BNIP5: variants seen among roughly 807,000 people sequenced by gnomAD.
BNIP5 encodes protein BNIP5.
Under a neutral mutation model 67.3 loss-of-function variants are expected in BNIP5, and 61 were observed. The ratio of observed to expected loss-of-function variants is 0.91; its 90% CI spans 0.74 to 1.12. The LOEUF is 1.12. Ranked by LOEUF, BNIP5 falls within the 50% of genes most tolerant of loss-of-function variation. The pLI is 0.00. For synonymous variants in BNIP5, 317 were observed against 319.0 expected (o/e 0.99, Z 0.07); for missense variants, 826 against 816.3 (o/e 1.01, Z -0.14).
intron 2 of BNIP5, 89 bp downstream of exon 2, chr6:36,329,992 C>A (rs939168355): frequency 7.0e-7 from 1 of 1,432,846 alleles, no homozygotes; most frequent in Non-Finnish European, 9.3e-7. Flanking sequence ...ACAGCTCCCC[C>A]GACTATCCCT....
intron 1 of BNIP5, among the ~76,000 whole-genome samples, chr6:36,334,798 TC>T (rs1269665043): frequency 6.6e-6 from 1 of 152,180 alleles, no homozygotes; most frequent in Non-Finnish European, 1.5e-5. Flanking sequence ...AGCAAGACTT[TC>T]CTTTCCTTTC....
chr6:36,325,297 C>T lies in BNIP5; in HGVS notation c.1154G>A (p.Arg385Lys). ...GGAGTACTGACTGTATTCCGAGGCT[C>T]TGTCCAGCGGAAGCTCCTCTCCAGG... is the stretch of plus-strand genomic sequence containing the variant. ...QEPGEELPLD[R>K]ASEYKEFIQK... Residue 385 changes from arginine (R) to lysine (K), a missense_variant, in exon 6 of 12, where the codon AGA becomes AAA. Coordinates refer to ENST00000437635, the MANE Select transcript of BNIP5 (RefSeq NM_001010903.5). The T allele has an allele frequency of 1.9e-6, 3 of 1,614,188 alleles. No individual in the cohort carries two copies. The highest frequency in any genetic ancestry group is 1.7e-4 in the Middle Eastern group (1 of 6,030).
chr6:36,330,177 C>T lies in BNIP5; in HGVS notation c.514G>A (p.Ala172Thr). The T allele has an allele frequency of 6.2e-7, 1 of 1,614,062 alleles. No homozygotes were observed. Among genetic ancestry groups the T allele is most frequent in the Non-Finnish European group, 8.5e-7 (1 of 1,180,030 alleles). ...KKHAAEVTKA[A>T]QDQEARGREE... is the part of the protein sequence containing the mutation. Reference sequence around the variant, plus strand: ...CGGCCTCTGGCCTCCTGGTCTTGAGCTGCCTTAGTCACCTCGGCCGCGTGT... The same window carrying T: ...CGGCCTCTGGCCTCCTGGTCTTGAGTTGCCTTAGTCACCTCGGCCGCGTGT... The change falls in exon 2 of 12, where the codon GCT becomes ACT. Residue 172 changes from alanine (A) to threonine (T), a missense_variant. Physicochemically the swap from Ala to Thr is moderately conservative, Grantham distance 58 (BLOSUM62 0). Coordinates refer to ENST00000437635, the MANE Select transcript of BNIP5 (RefSeq NM_001010903.5).
Position 36,317,098 on chromosome 6 carries a change from A to G in BNIP5, c.*258T>C. The G allele has an allele frequency of 3.5e-6, 2 of 573,436 alleles. No individual in the cohort carries two copies. The highest frequency in any genetic ancestry group is 6.2e-6 in the Non-Finnish European group (2 of 324,316). 35.5% of individuals were successfully genotyped at this position (573,436 alleles called of 1,614,324 possible). ...CATGCAGCAAGTCTGGGGTAGGTTC[A>G]GCAGGTAGAGCCCCAGTCTTCCTCA... On this transcript the variant is annotated 3_prime_UTR_variant, in exon 12 of 12. Coordinates refer to ENST00000437635, the MANE Select transcript of BNIP5 (RefSeq NM_001010903.5).
At chr6:36,325,500 G>T in intron 5 of BNIP5, 86 bp from the exon 6 acceptor site, 1 of 1,481,014 alleles carries the variant, frequency 6.8e-7, no homozygotes, top group South Asian at 1.3e-5. Context: ...CTAAAAGTGG[G>T]CTCCGTGGCT....
intron 1 of BNIP5, among the ~76,000 whole-genome samples, chr6:36,336,293 A>G (rs1772015838): frequency 1.3e-5 from 2 of 152,206 alleles, no homozygotes; most frequent in African/African-American, 4.8e-5. Context: ...ACCTTCACAT[A>G]AAGTCTATAA....
chr6:36,326,325 G>A (rs149554599), intron 5 of BNIP5, among the ~76,000 whole-genome samples, 185 bp downstream of exon 5: 2 of 152,352 alleles, frequency 1.3e-5, no homozygotes, highest in East Asian at 3.9e-4. Flanking sequence ...GAGGTGTTGT[G>A]TGTGGAGGTG....
chr6:36,318,467 G>C (rs2127361599), intron 11 of BNIP5, among the ~76,000 whole-genome samples: 1 of 152,084 alleles, frequency 6.6e-6, no homozygotes, highest in East Asian at 1.9e-4. Context: ...CAGCACTTTG[G>C]GAGGCCAAGG....
In BNIP5 at chr6:36,317,207, G is replaced by C. The variant is rs759744262; in HGVS notation, c.*149C>G. 1.5e-5 allele frequency: 11 copies of C among 737,366 alleles called. No individual in the cohort carries two copies. Among genetic ancestry groups the C allele is most frequent in the Non-Finnish European group, 2.7e-5 (11 of 403,158 alleles). 45.7% of individuals were successfully genotyped at this position (737,366 alleles called of 1,614,324 possible). Reference sequence around the variant, plus strand: ...ATGCTCTGTGCTTCTCAGATACTAGGGTATGGACACAGAATGATTGTCTGC... The same window carrying C: ...ATGCTCTGTGCTTCTCAGATACTAGCGTATGGACACAGAATGATTGTCTGC... On this transcript the variant is annotated 3_prime_UTR_variant, in exon 12 of 12. Transcript: ENST00000437635.
Position 36,323,343 on chromosome 6 carries a change from A to T in BNIP5, c.1421T>A (p.Phe474Tyr). 1.9e-6 allele frequency: 3 copies of T among 1,614,244 alleles called. No individual in the cohort carries two copies. Among genetic ancestry groups the T allele is most frequent in the Non-Finnish European group, 2.5e-6 (3 of 1,180,044 alleles). ...ATGGCCACCAACACACAGGGGCAGA[A>T]AGCTGGGCCTCTTGGGTCGTCGGGC... Reference protein sequence around the residue: ...PEARRPKRPSFLPLCVGGHRP... With the variant: ...PEARRPKRPSYLPLCVGGHRP... Residue 474 changes from phenylalanine (F) to tyrosine (Y), a missense_variant, in exon 8 of 12, where the codon TTT (phenylalanine) becomes TAT (tyrosine). By Grantham distance (22) the Phe-to-Tyr change is conservative. Transcript: ENST00000437635.
intron 6 of BNIP5, 135 bp downstream of exon 6, chr6:36,325,148 C>T (rs1022212794): frequency 8.3e-6 from 8 of 965,680 alleles, no homozygotes; most frequent in African/African-American, 1.6e-5. Context: ...CCCAAGCTGC[C>T]TCCCCAGCCT....
At chr6:36,324,598 TA>T (rs2127365917) in intron 6 of BNIP5, among the ~76,000 whole-genome samples, 1 of 12,026 alleles carries the variant, frequency 8.3e-5, no homozygotes, top group South Asian at 2.9e-3. Flanking sequence ...TATATATATA[TA>T]TATATATATA....
intron 2 of BNIP5, among the ~76,000 whole-genome samples, chr6:36,329,829 A>AAG (rs140553637): frequency 6.6e-6 from 1 of 151,018 alleles, no homozygotes; most frequent in Non-Finnish European, 1.5e-5. Context: ...GAAAGAAAGG[A>AAG]AGAGAGAGAG....
chr6:36,322,465 G>A (rs1007397147), intron 8 of BNIP5, 23 bp from the exon 9 acceptor site: 2 of 1,607,348 alleles, frequency 1.2e-6, no homozygotes, highest in Admixed American at 1.7e-5. Flanking sequence ...AAGAGTTGTT[G>A]AGTGTTTTGC....
At chr6:36,323,978 C>A in intron 7 of BNIP5, 151 bp downstream of exon 7, 2 of 644,632 alleles carry the variant, frequency 3.1e-6, no homozygotes, top group Non-Finnish European at 5.4e-6. Context: ...TTAGCCTGGG[C>A]GACAGAGCAA....
chr6:36,323,673 T>C, intron 7 of BNIP5, 140 bp from the exon 8 acceptor site: 1 of 974,266 alleles, frequency 1.0e-6, no homozygotes, highest in Non-Finnish European at 1.5e-6. Context: ...GGGAAATATG[T>C]GTGGTCTGGA....
At chr6:36,331,624 C>T (rs1214706029) in intron 1 of BNIP5, among the ~76,000 whole-genome samples, 1 of 152,210 alleles carries the variant, frequency 6.6e-6, no homozygotes, top group Non-Finnish European at 1.5e-5. Context: ...AGTGGCAACT[C>T]TTTTCTTCCA....
At position 36,330,493 on chromosome 6, in the gene BNIP5, T is replaced by C. The variant is rs772275911; in HGVS notation, c.198A>G (p.Ala66=). ...ARHSDSPAPS[A]EAHCTTAAAP... ...CTGCAGCGGTGGTGCAGTGAGCCTC[T>C]GCAGATGGAGCTGGGCTGTCTGAAT... is the stretch of plus-strand genomic sequence containing the variant. The change falls in exon 2 of 12, where the codon GCA becomes GCG. Residue 66 remains alanine, a synonymous_variant. Coordinates refer to ENST00000437635, the MANE Select transcript of BNIP5 (RefSeq NM_001010903.5). 18 of 1,614,114 alleles carry C rather than the reference T, an allele frequency of 1.1e-5. No individual in the cohort carries two copies. The East Asian group carries it at 4.0e-4, about 36-fold the overall frequency.
chr6:36,319,344 G>C lies in BNIP5; in HGVS notation c.1923+12C>G, dbSNP rs769305923. The C allele has an allele frequency of 6.2e-7, 1 of 1,612,422 alleles. No homozygotes were observed. Among genetic ancestry groups the C allele is most frequent in the South Asian group, 1.1e-5 (1 of 91,006 alleles). Reference sequence around the variant, plus strand: ...ATGCTACATTGCCATTGTCTTCCCCGCCCTCTCTCACCGGCTGGTCCTCCC... The same window carrying C: ...ATGCTACATTGCCATTGTCTTCCCCCCCCTCTCTCACCGGCTGGTCCTCCC... On this transcript the variant is annotated intron_variant, in intron 11 of 11. Coordinates refer to ENST00000437635, the MANE Select transcript of BNIP5 (RefSeq NM_001010903.5).
Sources: gnomAD v4.1 joint callset for allele counts (sites outside exome capture counted in the v4.1 genomes callset) on GRCh38, gnomAD v4.1.1 for gene constraint, MANE v1.5 for transcripts, NCBI Gene and HGNC (gene_info 2026-07-23, HGNC 2026-07-21) for gene names.